NR1D2: variants seen among roughly 807,000 people sequenced by gnomAD.
The protein encoded by NR1D2 is nuclear receptor subfamily 1 group D member 2.
A neutral mutation model predicts 52.2 loss-of-function variants in NR1D2; 25 were observed. The observed-to-expected ratio is 0.48, with a 90% CI of 0.35 to 0.67. NR1D2 has a LOEUF of 0.67. Ranked by LOEUF, NR1D2 falls within the 30% of genes least tolerant of loss-of-function variation. The probability of loss-of-function intolerance (pLI) is 0.01; values close to 1 mark genes in which losing one functional copy is unlikely to be tolerated. For missense variants in NR1D2, 681 were observed against 707.2 expected, an observed-to-expected ratio of 0.96 and a Z score of 0.42; for synonymous variants, 259 against 230.1, an observed-to-expected ratio of 1.13 and a Z score of -1.14.
In NR1D2 at chr3:23,967,822, G is replaced by C; in HGVS notation, c.1342G>C (p.Val448Leu). Residue 448 changes from valine (V) to leucine (L), a missense_variant, in exon 7 of 8, where the codon GTA (valine) becomes CTA (leucine). Physicochemically the swap from Val to Leu is conservative, Grantham distance 32. Transcript: ENST00000312521. ...LKAGTFEVLMVRFASLFDAKE... is the reference protein window; with the variant it reads ...LKAGTFEVLMLRFASLFDAKE... ...CTTTTTCTTTTTCCAGGTTTTAATG[G>C]TACGGTTCGCATCATTATTTGATGC... is the stretch of plus-strand genomic sequence containing the variant. 1 of 1,612,696 alleles carries C rather than the reference G, an allele frequency of 6.2e-7. No homozygotes were observed. Among genetic ancestry groups the C allele is most frequent in the Non-Finnish European group, 8.5e-7 (1 of 1,179,330 alleles).
intron 1 of NR1D2, among the ~76,000 whole-genome samples, chr3:23,953,776 G>C (rs757530080): frequency 6.6e-6 from 1 of 152,186 alleles, no homozygotes; most frequent in Admixed American, 6.6e-5. Flanking sequence ...CCAAGTGTTG[G>C]GGGAGGCAAA....
At chr3:23,966,842 C>T (rs1706461439) in intron 6 of NR1D2, among the ~76,000 whole-genome samples, 1 of 151,986 alleles carries the variant, frequency 6.6e-6, no homozygotes, top group Admixed American at 6.6e-5. Flanking sequence ...CCAGCCTAGG[C>T]AACATGGTGA....
rs569412721 is a variant in NR1D2, at chr3:23,968,073, C to CTGG, written c.1543+51_1543+53dup. The CTGG allele has an allele frequency of 1.1e-4, 155 of 1,446,486 alleles. No homozygotes were observed. The East Asian group carries it at 2.7e-3, about 25-fold the overall frequency. 89.6% of individuals were successfully genotyped at this position (1,446,486 alleles called of 1,614,324 possible). A position where few individuals can be genotyped will look rare whatever the true frequency, so the allele number is the denominator to read the frequency against. On this transcript the variant is annotated intron_variant, in intron 7 of 7. Coordinates refer to ENST00000312521, the MANE Select transcript of NR1D2 (RefSeq NM_005126.5). ...GCCACACCTAGCATATAGTGACCAA[C>CTGG]TGGGGAGAAGATGGCAGTTAACAGG... is the stretch of plus-strand genomic sequence containing the variant.
chr3:23,977,459 C>A lies in NR1D2; in HGVS notation c.*40C>A. On this transcript the variant is annotated 3_prime_UTR_variant, in exon 8 of 8. Transcript: ENST00000312521. ...TAAACATGAACTGATGGTAACTGTA[C>A]ATTTTGTGCTAAAATGCATATTTAT... The A allele has an allele frequency of 7.3e-7, 1 of 1,373,012 alleles. No homozygotes were observed. The highest frequency in any genetic ancestry group is 1.5e-5 in the South Asian group (1 of 67,288). The allele number at this position is 1,373,012 out of a possible 1,614,324, so 85.1% of individuals were successfully genotyped here. A position where few individuals can be genotyped will look rare whatever the true frequency, so the allele number is the denominator to read the frequency against.
intron 6 of NR1D2, among the ~76,000 whole-genome samples, chr3:23,965,544 G>A (rs1292072099): frequency 6.6e-6 from 1 of 151,740 alleles, no homozygotes; most frequent in South Asian, 2.1e-4. Context: ...CACTGTGCCC[G>A]GCAGATGTTT....
At chr3:23,960,796 G>C (rs1328501013) in intron 4 of NR1D2, among the ~76,000 whole-genome samples, 8 of 152,200 alleles carry the variant, frequency 5.3e-5, no homozygotes, top group Admixed American at 5.2e-4. Context: ...GGGAGGAGTA[G>C]AGATAAAGTA....
intron 1 of NR1D2, among the ~76,000 whole-genome samples, chr3:23,950,230 C>G (rs988085067): frequency 1.3e-5 from 2 of 152,202 alleles, no homozygotes; most frequent in African/African-American, 2.4e-5. Context: ...GAAGACCACT[C>G]AGGTTTAGAA....
chr3:23,952,641 G>C (rs188582244), intron 1 of NR1D2, among the ~76,000 whole-genome samples: 94 of 151,584 alleles, frequency 6.2e-4, no homozygotes, highest in Non-Finnish European at 1.2e-3. Context: ...GAGGAGAATC[G>C]CATGAACCCG....
chr3:23,966,350 G>C (rs536493205), intron 6 of NR1D2, among the ~76,000 whole-genome samples: 1 of 152,360 alleles, frequency 6.6e-6, no homozygotes, highest in East Asian at 1.9e-4. Flanking sequence ...ATGGTGCTTA[G>C]AACACTTACT....
chr3:23,952,225 T>G (rs1705951519), intron 1 of NR1D2, among the ~76,000 whole-genome samples: 1 of 152,156 alleles, frequency 6.6e-6, no homozygotes. Context: ...GCAGGATTAA[T>G]TAAGGTGAGA....
rs1706838748 is a variant in NR1D2, at chr3:23,980,133, A to G, written c.*2714A>G. The G allele has an allele frequency of 6.6e-6, 1 of 152,202 alleles. No individual in the cohort carries two copies. The highest frequency in any genetic ancestry group is 1.5e-5 in the Non-Finnish European group (1 of 68,012). The allele number at this position is 152,202 out of a possible 1,614,324, so 9.4% of individuals were successfully genotyped here. A position where few individuals can be genotyped will look rare whatever the true frequency, so the allele number is the denominator to read the frequency against. On this transcript the variant is annotated 3_prime_UTR_variant, in exon 8 of 8. Transcript: ENST00000312521. ...TCAGTGGATTAAGTGTATAGCTTTC[A>G]TATCTACATTTCAAGAAATTACCAT... is the stretch of plus-strand genomic sequence containing the variant.
intron 4 of NR1D2, chr3:23,960,053 A>T (rs775204531): frequency 2.0e-5 from 6 of 307,298 alleles, no homozygotes; most frequent in Non-Finnish European, 3.5e-5. Context: ...AAAAAGAGCC[A>T]TTTTTTTTCT....
At chr3:23,954,506 C>CT in intron 1 of NR1D2, 31 bp from the exon 2 acceptor site, 3 of 1,589,614 alleles carry the variant, frequency 1.9e-6, no homozygotes, top group Non-Finnish European at 2.6e-6. Flanking sequence ...TATCTTGTAT[C>CT]TAATTATGTG....
intron 1 of NR1D2, among the ~76,000 whole-genome samples, chr3:23,953,313 G>A (rs1362504144): frequency 9.6e-5 from 13 of 134,882 alleles, no homozygotes; most frequent in Admixed American, 3.4e-4. Context: ...ACTGCACTCC[G>A]GCCTGGGTGA....
intron 6 of NR1D2, among the ~76,000 whole-genome samples, chr3:23,966,639 A>ATT (rs1706457385): frequency 1.3e-5 from 2 of 152,224 alleles, no homozygotes; most frequent in Non-Finnish European, 2.9e-5. Flanking sequence ...AATCTTTGTT[A>ATT]ATAGAGTGGC....
Position 23,951,790 on chromosome 3 carries a change from G to T in NR1D2, c.17-2747G>T, listed in dbSNP as rs139126733. Among the ~76,000 whole-genome samples, 95 of 152,326 alleles carry T rather than the reference G, an allele frequency of 6.2e-4. 1 individual carries two copies. Among genetic ancestry groups the T allele is most frequent in the African/African-American group, 2.2e-3 (93 of 41,568 alleles). On this transcript the variant is annotated intron_variant, in intron 1 of 7. Coordinates refer to ENST00000312521, the MANE Select transcript of NR1D2 (RefSeq NM_005126.5). ...TGCACATTCCTGAGGATGTGTTCTC[G>T]TCTGGGCAGGGCCTTGGAAACATGT...
intron 1 of NR1D2, among the ~76,000 whole-genome samples, chr3:23,949,631 C>T (rs1705871090): frequency 6.6e-6 from 1 of 152,188 alleles, no homozygotes; most frequent in African/African-American, 2.4e-5. Flanking sequence ...CTCTGGAGCC[C>T]TGACACCTAG....
intron 5 of NR1D2, among the ~76,000 whole-genome samples, chr3:23,964,119 C>A (rs1706373834): frequency 6.6e-6 from 1 of 151,320 alleles, no homozygotes; most frequent in African/African-American, 2.4e-5. Flanking sequence ...CACTCTGTCA[C>A]CCAGGCTGGA....
chr3:23,964,797 C>T (rs1389414821), intron 5 of NR1D2, 180 bp from the exon 6 acceptor site: 2 of 474,030 alleles, frequency 4.2e-6, no homozygotes, highest in South Asian at 8.8e-5. Context: ...TATTAGGTTG[C>T]CAAGAGGCTT....
Sources: allele counts gnomAD v4.1 joint callset (sites outside exome capture counted in the v4.1 genomes callset), GRCh38; gene constraint gnomAD v4.1.1; transcripts MANE v1.5; gene names NCBI Gene and HGNC (gene_info 2026-07-23, HGNC 2026-07-21).